RAPGEF1: variants seen among roughly 807,000 people sequenced by gnomAD.
RAPGEF1 encodes the protein Rap guanine nucleotide exchange factor 1.
Under a neutral mutation model 143.3 loss-of-function variants are expected in RAPGEF1, and 33 were observed. That is an observed-to-expected ratio of 0.23 (90% CI 0.17 to 0.31). The LOEUF is 0.31. Among genes scored for constraint, RAPGEF1 ranks in the 10% least tolerant of loss-of-function variants. The pLI, the probability that RAPGEF1 is intolerant of heterozygous loss-of-function variation, is 1.00. For missense variants in RAPGEF1, 1,199 were observed against 1,645.4 expected (o/e 0.73, Z 4.69); for synonymous variants, 629 against 676.5 (o/e 0.93, Z 1.09).
At chr9:131,592,968 C>T (rs1220165916) in intron 17 of RAPGEF1, among the ~76,000 whole-genome samples, 5 of 152,200 alleles carry the variant, frequency 3.3e-5, no homozygotes, top group Non-Finnish European at 7.3e-5. Flanking sequence ...GTCTCAAACT[C>T]TTGGCCTCAA....
intron 1 of RAPGEF1, among the ~76,000 whole-genome samples, chr9:131,670,137 C>G (rs887320967): frequency 3.3e-5 from 5 of 152,204 alleles, no homozygotes; most frequent in Non-Finnish European, 7.3e-5. Flanking sequence ...GGATTTGAAT[C>G]AGTTCTGCTT....
intron 1 of RAPGEF1, among the ~76,000 whole-genome samples, chr9:131,707,606 A>G (rs1458465431): frequency 2.0e-5 from 3 of 152,024 alleles, no homozygotes; most frequent in Non-Finnish European, 4.4e-5. Context: ...ACGCCTGGCT[A>G]ATTTTTGTAT....
intron 11 of RAPGEF1, among the ~76,000 whole-genome samples, chr9:131,620,659 C>A (rs1394345485): frequency 1.3e-5 from 2 of 152,166 alleles, no homozygotes; most frequent in Admixed American, 6.5e-5. Flanking sequence ...CTGGACATGG[C>A]CACCTCTGAA....
chr9:131,731,250 C>T (rs1230790258), intron 1 of RAPGEF1, among the ~76,000 whole-genome samples: 1 of 152,144 alleles, frequency 6.6e-6, no homozygotes, highest in Non-Finnish European at 1.5e-5. Flanking sequence ...GAGCCTGGTA[C>T]AGCACGTGGT....
At chr9:131,717,080 T>A (rs1419799317) in intron 1 of RAPGEF1, among the ~76,000 whole-genome samples, 1 of 152,162 alleles carries the variant, frequency 6.6e-6, no homozygotes, top group Non-Finnish European at 1.5e-5. Flanking sequence ...CTGCTTCACT[T>A]GGACCATGGC....
intron 16 of RAPGEF1, among the ~76,000 whole-genome samples, chr9:131,597,296 T>C (rs1352283109): frequency 6.6e-6 from 1 of 152,186 alleles, no homozygotes; most frequent in African/African-American, 2.4e-5. Flanking sequence ...AACTATGCCT[T>C]TGACCTGATT....
intron 12 of RAPGEF1, among the ~76,000 whole-genome samples, chr9:131,616,782 C>G (rs2132744851): frequency 6.6e-6 from 1 of 152,268 alleles, no homozygotes; most frequent in African/African-American, 2.4e-5. Context: ...GATAGTAATC[C>G]AAAGCTCTAT....
chr9:131,676,489 C>T (rs1043365324), intron 1 of RAPGEF1, among the ~76,000 whole-genome samples: 4 of 152,220 alleles, frequency 2.6e-5, no homozygotes, highest in African/African-American at 7.2e-5. Flanking sequence ...AACTTGGCTC[C>T]CAGCCCAACC....
chr9:131,666,409 GTC>G (rs1830445380), intron 1 of RAPGEF1, among the ~76,000 whole-genome samples: 1 of 151,478 alleles, frequency 6.6e-6, no homozygotes, highest in South Asian at 2.1e-4. Context: ...TTGAGACAGA[GTC>G]TCACTTACTC....
At chr9:131,661,894 C>A (rs1460219352) in intron 1 of RAPGEF1, among the ~76,000 whole-genome samples, 1 of 152,188 alleles carries the variant, frequency 6.6e-6, no homozygotes, top group Non-Finnish European at 1.5e-5. Flanking sequence ...TTCTTAGGAT[C>A]TTAAATCACC....
chr9:131,638,794 A>G lies in RAPGEF1; in HGVS notation c.495-3T>C. The G allele has an allele frequency of 6.2e-7, 1 of 1,613,724 alleles. No individual in the cohort carries two copies. Among genetic ancestry groups the G allele is most frequent in the Non-Finnish European group, 8.5e-7 (1 of 1,179,696 alleles). Reference sequence around the variant, plus strand: ...TATAGCAGGAAGAGAGGGCTGAGCTACAGGGAAGAGAAGAATGGAAAAAAA... The same window carrying G: ...TATAGCAGGAAGAGAGGGCTGAGCTGCAGGGAAGAGAAGAATGGAAAAAAA... On this transcript the variant is annotated splice_region_variant and splice_polypyrimidine_tract_variant and intron_variant, in intron 4 of 26. Coordinates refer to ENST00000683357, the MANE Select transcript of RAPGEF1 (RefSeq NM_001377935.1).
rs1830624094 is a variant in RAPGEF1 at position 131,667,463 on chromosome 9, G to GT, written c.62-16515_62-16514insA. Among the ~76,000 whole-genome samples the GT allele has an allele frequency of 6.6e-6, 1 of 152,212 alleles. No homozygotes were observed. The highest frequency in any genetic ancestry group is 1.5e-5 in the Non-Finnish European group (1 of 68,040). The stretch of plus-strand genomic sequence containing the variant: ...CCTCCTCCACAGTACCTGGTACAGG[G>GT]ACAGAGGTGGCTGGGTGATGGCCTC... On this transcript the variant is annotated intron_variant, in intron 1 of 26. Transcript: ENST00000683357. This position sits in a 1 kb window ranked among gnomAD's most constrained non-coding sequence, Gnocchi z 4.6.
chr9:131,700,885 G>T (rs917140707), intron 1 of RAPGEF1, among the ~76,000 whole-genome samples: 2 of 152,148 alleles, frequency 1.3e-5, no homozygotes, highest in Non-Finnish European at 2.9e-5. Context: ...ATTTTTAAAT[G>T]ATTTCACTTT....
chr9:131,737,653 A>G, intron 1 of RAPGEF1: 1 of 1,348,402 alleles, frequency 7.4e-7, no homozygotes, highest in South Asian at 1.6e-5. Context: ...ATGGGATGAC[A>G]GGCAACTTTT....
chr9:131,677,581 G>A (rs982905346), intron 1 of RAPGEF1, among the ~76,000 whole-genome samples: 4 of 152,122 alleles, frequency 2.6e-5, no homozygotes, highest in African/African-American at 9.7e-5. Flanking sequence ...TTTGCTTCAG[G>A]ATATATACAC....
At chr9:131,626,831 T>C (rs1329320608) in intron 9 of RAPGEF1, among the ~76,000 whole-genome samples, 4 of 152,206 alleles carry the variant, frequency 2.6e-5, no homozygotes, top group Admixed American at 2.6e-4. Flanking sequence ...GGCCACGCGG[T>C]GGCTCACGCC....
At chr9:131,704,780 A>C (rs1011111659) in intron 1 of RAPGEF1, among the ~76,000 whole-genome samples, 5 of 152,108 alleles carry the variant, frequency 3.3e-5, no homozygotes, top group Non-Finnish European at 5.9e-5. Flanking sequence ...AAGGAAAGGA[A>C]AGAAGGAAAG....
chr9:131,672,076 C>T (rs1564671679), intron 1 of RAPGEF1, among the ~76,000 whole-genome samples: 1 of 152,144 alleles, frequency 6.6e-6, no homozygotes, highest in Non-Finnish European at 1.5e-5. Flanking sequence ...GTGGTGAAGA[C>T]CGCAAACCTA....
At chr9:131,657,076 T>TAGC (rs1248053186) in intron 1 of RAPGEF1, among the ~76,000 whole-genome samples, 1 of 152,256 alleles carries the variant, frequency 6.6e-6, no homozygotes, top group East Asian at 1.9e-4. Flanking sequence ...AACCTTGGGT[T>TAGC]AGCAGCACAG....
Sources: gnomAD v4.1 joint callset for allele counts (sites outside exome capture counted in the v4.1 genomes callset) on GRCh38, gnomAD v4.1.1 for gene constraint, Gnocchi (gnomAD v3.1) non-coding constraint, MANE v1.5 for transcripts, NCBI Gene and HGNC (gene_info 2026-07-23, HGNC 2026-07-21) for gene names.